HPSE2: variants seen among roughly 807,000 people sequenced by gnomAD.
HPSE2 encodes the protein heparanase 2 (inactive).
HPSE2 carries 38 observed loss-of-function variants against 60.5 expected under a neutral mutation model. The observed-to-expected ratio is 0.63, with a 90% CI of 0.48 to 0.82. The LOEUF (loss-of-function observed/expected upper bound fraction) is 0.82, where lower values mean the gene tolerates loss of function less well. Among genes scored for constraint, HPSE2 ranks in the 40% least tolerant of loss-of-function variants. The pLI, the probability that HPSE2 is intolerant of heterozygous loss-of-function variation, is 0.00. For synonymous variants in HPSE2, 295 were observed against 293.2 expected (o/e 1.01, Z -0.06); for missense variants, 713 against 740.4 (o/e 0.96, Z 0.43).
chr10:98,873,573 C>T (rs979107907), intron 3 of HPSE2, among the ~76,000 whole-genome samples: 2 of 151,986 alleles, frequency 1.3e-5, no homozygotes, highest in South Asian at 2.1e-4. Flanking sequence ...GCATAGTATT[C>T]GATGGTATTT....
chr10:98,722,896 C>G (rs1259377902), intron 4 of HPSE2, among the ~76,000 whole-genome samples: 2 of 152,164 alleles, frequency 1.3e-5, no homozygotes, highest in Non-Finnish European at 2.9e-5. Flanking sequence ...AGATAGACAT[C>G]ATGTCATCTG....
At chr10:98,943,220 T>A (rs529798160) in intron 3 of HPSE2, among the ~76,000 whole-genome samples, 2 of 149,600 alleles carry the variant, frequency 1.3e-5, no homozygotes, top group African/African-American at 2.5e-5. Context: ...ACCCTAAAAC[T>A]TAAAGTATAA....
chr10:98,622,569 C>T (rs1180784337), intron 7 of HPSE2, among the ~76,000 whole-genome samples: 2 of 152,180 alleles, frequency 1.3e-5, no homozygotes, highest in Non-Finnish European at 2.9e-5. Context: ...TGTCCTCTCT[C>T]CCCACATTTG....
chr10:98,460,768 G>T (rs999862890), intron 11 of HPSE2, among the ~76,000 whole-genome samples: 1 of 152,138 alleles, frequency 6.6e-6, no homozygotes, highest in South Asian at 2.1e-4. Flanking sequence ...CCTGAGAAGG[G>T]GGACTACATA....
chr10:99,122,357 T>G (rs1844987868), intron 3 of HPSE2, among the ~76,000 whole-genome samples: 1 of 151,950 alleles, frequency 6.6e-6, no homozygotes, highest in South Asian at 2.1e-4. Flanking sequence ...TTTGATAAAT[T>G]AAAAGGAAAA....
chr10:98,944,145 T>G (rs558387274), intron 3 of HPSE2, among the ~76,000 whole-genome samples: 1 of 152,078 alleles, frequency 6.6e-6, no homozygotes, highest in Admixed American at 6.6e-5. Flanking sequence ...GCAGATCAAT[T>G]TGAAAGGCAA....
chr10:98,939,839 T>A (rs1427832584), intron 3 of HPSE2, among the ~76,000 whole-genome samples: 2 of 142,808 alleles, frequency 1.4e-5, no homozygotes, highest in South Asian at 2.1e-4. Flanking sequence ...GAAGTAAAGC[T>A]CTCCTCAGCA....
chr10:99,150,262 T>C (rs1846210467), intron 2 of HPSE2, among the ~76,000 whole-genome samples: 1 of 152,202 alleles, frequency 6.6e-6, no homozygotes, highest in Non-Finnish European at 1.5e-5. Flanking sequence ...AACCAGTTAG[T>C]AACCCACAGC....
intron 9 of HPSE2, among the ~76,000 whole-genome samples, chr10:98,531,944 T>C (rs926877079): frequency 3.9e-5 from 6 of 152,362 alleles, no homozygotes; most frequent in African/African-American, 1.2e-4. Flanking sequence ...TTAATACTTA[T>C]AAGTACTCCA....
intron 9 of HPSE2, among the ~76,000 whole-genome samples, chr10:98,558,957 C>T (rs1018916305): frequency 6.6e-6 from 1 of 152,158 alleles, no homozygotes; most frequent in African/African-American, 2.4e-5. Flanking sequence ...CCACTTTGCT[C>T]ATTCATGTTC....
chr10:99,132,918 AAGCCAGGGAGCCAAGTGGTCTGGCTC>A (rs1845501605), intron 3 of HPSE2, among the ~76,000 whole-genome samples: 1 of 152,136 alleles, frequency 6.6e-6, no homozygotes, highest in African/African-American at 2.4e-5. Context: ...AGGGGTGCTG[AAGCCAGGGAGCCAAGTGGTCTGGCTC>A]AGAGGGTCCC....
At chr10:98,932,044 G>A (rs1954655896) in intron 3 of HPSE2, among the ~76,000 whole-genome samples, 1 of 143,716 alleles carries the variant, frequency 7.0e-6, no homozygotes, top group Admixed American at 6.9e-5. Flanking sequence ...CTTGTCTTGT[G>A]CCACTTTTCA....
intron 3 of HPSE2, among the ~76,000 whole-genome samples, chr10:99,083,691 T>C (rs957227021): frequency 2.0e-5 from 3 of 152,220 alleles, no homozygotes; most frequent in Non-Finnish European, 4.4e-5. Flanking sequence ...TGGTTTTAAA[T>C]AGACCAAGTT....
At chr10:98,948,694 T>C (rs963219023) in intron 3 of HPSE2, among the ~76,000 whole-genome samples, 1 of 152,098 alleles carries the variant, frequency 6.6e-6, no homozygotes, top group Non-Finnish European at 1.5e-5. Context: ...TGTGCCTGCC[T>C]TTCCTGCCAC....
chr10:99,315,669 T>C, the HPSE2 span, among the ~76,000 whole-genome samples: 1 of 152,164 alleles, frequency 6.6e-6, no homozygotes, highest in African/African-American at 2.4e-5. Context: ...TATGGCGATT[T>C]TATATCAACA....
chr10:99,118,631 A>T (rs1415851805), intron 3 of HPSE2, among the ~76,000 whole-genome samples: 2 of 152,144 alleles, frequency 1.3e-5, no homozygotes, highest in African/African-American at 4.8e-5. Flanking sequence ...TACCCTTGAA[A>T]ACCAGCACAA....
chr10:98,939,201 C>A (rs1954909307), intron 3 of HPSE2, among the ~76,000 whole-genome samples: 1 of 143,724 alleles, frequency 7.0e-6, no homozygotes, highest in Admixed American at 6.9e-5. Context: ...AACCAGCTAA[C>A]ATCATAATGA....
intron 2 of HPSE2, among the ~76,000 whole-genome samples, chr10:99,179,385 C>T (rs186317778): frequency 4.9e-4 from 74 of 152,248 alleles, no homozygotes; most frequent in Admixed American, 4.8e-3. Flanking sequence ...CGCAAAATTT[C>T]CTTAAGCTGA....
chr10:98,693,836 A>G, intron 6 of HPSE2, 64 bp downstream of exon 6: 1 of 1,241,786 alleles, frequency 8.1e-7, no homozygotes, highest in South Asian at 1.2e-5. Flanking sequence ...ACTTAGTGAC[A>G]ACTAATTATC....
Sources: allele counts gnomAD v4.1 joint callset (sites outside exome capture counted in the v4.1 genomes callset), GRCh38; gene constraint gnomAD v4.1.1; transcripts MANE v1.5; gene names NCBI Gene and HGNC (gene_info 2026-07-23, HGNC 2026-07-21).